Variants in RPA1 observed in about 807,000 individuals in gnomAD.
The protein encoded by RPA1 is replication protein A 70 kDa DNA-binding subunit.
RPA1 carries 49 observed loss-of-function variants against 83.0 expected under a neutral mutation model. The ratio of observed to expected loss-of-function variants is 0.59; its 90% CI spans 0.47 to 0.75. The LOEUF (loss-of-function observed/expected upper bound fraction) is 0.75, where lower values mean the gene tolerates loss of function less well. RPA1 is among the 30% of genes least tolerant of loss of function. The probability of loss-of-function intolerance (pLI) is 0.00; values close to 1 mark genes in which losing one functional copy is unlikely to be tolerated. For missense variants in RPA1, 693 were observed against 776.1 expected, an observed-to-expected ratio of 0.89 and a Z score of 1.27; for synonymous variants, 279 against 281.8, an observed-to-expected ratio of 0.99 and a Z score of 0.10.
At chr17:1,890,135 T>C (rs1156730563) in intron 14 of RPA1, among the ~76,000 whole-genome samples, 1 of 152,172 alleles carries the variant, frequency 6.6e-6, no homozygotes, top group Middle Eastern at 3.2e-3. Context: ...TTTGGAAGGC[T>C]GAGGCAGGAT....
rs139473907 is a variant in RPA1, at chr17:1,883,002, C to A, written c.1242-810C>A. On this transcript the variant is annotated intron_variant, in intron 12 of 16. Transcript: ENST00000254719. ...GGGGGGCATCAAAGCAACTGAGATT[C>A]AAAGAAAGGTCATTCCGTTTCTTCA... 1.5e-3 allele frequency among the ~76,000 whole-genome samples: 228 copies of A among 152,162 alleles called. 1 individual carries two copies. The highest frequency in any genetic ancestry group is 4.7e-3 in the African/African-American group (194 of 41,524).
intron 4 of RPA1, among the ~76,000 whole-genome samples, chr17:1,849,893 T>C (rs554562559): frequency 1.1e-4 from 17 of 152,310 alleles, no homozygotes; most frequent in African/African-American, 3.8e-4. Flanking sequence ...TTATCTAGGC[T>C]GGACGTGGTG....
At chr17:1,844,448 C>T in intron 3 of RPA1, 130 bp from the exon 4 acceptor site, 2 of 636,746 alleles carry the variant, frequency 3.1e-6, no homozygotes, top group Non-Finnish European at 2.8e-6. Context: ...TTTCACTCTG[C>T]AGAGTCTGAC....
intron 13 of RPA1, among the ~76,000 whole-genome samples, chr17:1,885,048 C>T (rs776816922): frequency 3.3e-5 from 5 of 152,122 alleles, no homozygotes; most frequent in Admixed American, 2.6e-4. Flanking sequence ...TCTCCATAGC[C>T]GGCGATGCTG....
chr17:1,891,043 TTCTC>T lies in RPA1; in HGVS notation c.1552-786_1552-783del, dbSNP rs1322909744. Among the ~76,000 whole-genome samples the T allele has an allele frequency of 5.3e-5, 8 of 152,312 alleles. 1 individual carries two copies. The East Asian group carries it at 9.6e-4, about 18-fold the overall frequency. On this transcript the variant is annotated intron_variant, in intron 14 of 16. Coordinates refer to ENST00000254719, the MANE Select transcript of RPA1 (RefSeq NM_002945.5). ...CGTCACCTTATTTTTCGTCATAACATTCTCTCTATTAAAAGCCTTGTACCCATGC... is the reference window on the plus strand; with the variant it reads ...CGTCACCTTATTTTTCGTCATAACATTCTATTAAAAGCCTTGTACCCATGC...
chr17:1,834,729 A>G lies in RPA1; in HGVS notation c.33+4603A>G, dbSNP rs530193930. On this transcript the variant is annotated intron_variant, in intron 1 of 16. Coordinates refer to ENST00000254719, the MANE Select transcript of RPA1 (RefSeq NM_002945.5). ...ACAGATGCTTTAGTAGTCAGTACTT[A>G]AGTAACCCTAGAAGATAGCTATTAT... Among the ~76,000 whole-genome samples the G allele has an allele frequency of 2.0e-5, 3 of 152,314 alleles. No individual in the cohort carries two copies. The East Asian group carries it at 5.8e-4, about 29-fold the overall frequency.
chr17:1,846,311 CT>C (rs71150823), intron 4 of RPA1, among the ~76,000 whole-genome samples: 14,343 of 75,328 alleles, frequency 0.19, 705 homozygotes, highest in Middle Eastern at 0.28. Context: ...GGAAGCTTTG[CT>C]TTTTTTTTTT....
chr17:1,841,228 T>C (rs1912034825), intron 1 of RPA1, among the ~76,000 whole-genome samples: 2 of 152,198 alleles, frequency 1.3e-5, no homozygotes, highest in African/African-American at 4.8e-5. Context: ...CTAGTTTTTA[T>C]AGATACCTTA....
chr17:1,875,125 G>T (rs943300381), intron 6 of RPA1, among the ~76,000 whole-genome samples: 1 of 152,148 alleles, frequency 6.6e-6, no homozygotes, highest in East Asian at 1.9e-4. Context: ...CTTTGCACCC[G>T]ACGAAACTCA....
rs767278367 is a variant in RPA1 at position 1,843,926 on chromosome 17, C to T, written c.91C>T (p.Arg31Cys). 6.2e-7 allele frequency: 1 copy of T among 1,613,580 alleles called. No individual in the cohort carries two copies. The highest frequency in any genetic ancestry group is 1.1e-5 in the South Asian group (1 of 91,024). The change falls in exon 3 of 17, where the codon CGT becomes TGT. Residue 31 changes from arginine to cysteine, a missense_variant. By Grantham distance (180) the Arg-to-Cys change is radical. Transcript: ENST00000254719. ...IKPILQVINI[R>C]PITTGNSPPR... ...ATCAAGTTTTCTGTCCTAGAACATC[C>T]GTCCCATTACTACGGGGAATAGTCC...
intron 4 of RPA1, among the ~76,000 whole-genome samples, chr17:1,845,584 T>C (rs1377282814): frequency 6.6e-6 from 1 of 152,116 alleles, no homozygotes; most frequent in Non-Finnish European, 1.5e-5. Flanking sequence ...GACAAGTTAC[T>C]GCATGCTAGA....
chr17:1,855,152 T>A (rs1384187276), intron 5 of RPA1, among the ~76,000 whole-genome samples: 2 of 152,148 alleles, frequency 1.3e-5, no homozygotes, highest in East Asian at 3.9e-4. Flanking sequence ...TTAGTTAATA[T>A]GGTGAGTTAC....
intron 5 of RPA1, among the ~76,000 whole-genome samples, chr17:1,862,081 A>G (rs1912995483): frequency 1.3e-5 from 2 of 149,884 alleles, no homozygotes; most frequent in South Asian, 4.3e-4. Flanking sequence ...TTCAGTAGAG[A>G]CGGGGTTTCA....
chr17:1,861,630 T>TA (rs1169432355), intron 5 of RPA1, among the ~76,000 whole-genome samples: 1 of 152,246 alleles, frequency 6.6e-6, no homozygotes, highest in Non-Finnish European at 1.5e-5. Flanking sequence ...TCCATATTTC[T>TA]AAATAACACA....
intron 15 of RPA1, among the ~76,000 whole-genome samples, chr17:1,893,761 G>A (rs1165061214): frequency 6.6e-6 from 1 of 151,812 alleles, no homozygotes; most frequent in Non-Finnish European, 1.5e-5. Flanking sequence ...TAGCCTTTGC[G>A]CACCTCAACA....
chr17:1,877,678 C>G (rs968710468), intron 8 of RPA1, among the ~76,000 whole-genome samples: 1 of 152,150 alleles, frequency 6.6e-6, no homozygotes, highest in African/African-American at 2.4e-5. Context: ...TGGAAACAGT[C>G]TGATTTGCTG....
At chr17:1,888,991 A>G (rs1914102376) in intron 14 of RPA1, 140 bp downstream of exon 14, 4 of 867,790 alleles carry the variant, frequency 4.6e-6, no homozygotes, top group Non-Finnish European at 6.8e-6. Flanking sequence ...GAGCTTATCC[A>G]TCCGCTTTTT....
chr17:1,891,500 A>ACCCCCG, intron 14 of RPA1: 2 of 87,536 alleles, frequency 2.3e-5, no homozygotes, highest in Admixed American at 1.0e-4. Context: ...GCTCGCTGCA[A>ACCCCCG]CCTCCGCCTC....
intron 8 of RPA1, 112 bp from the exon 9 acceptor site, chr17:1,878,881 C>A: frequency 9.8e-7 from 1 of 1,016,208 alleles, no homozygotes; most frequent in Non-Finnish European, 1.5e-6. Context: ...CCACTGCTCT[C>A]AAGATGTCAC....
Sources: gnomAD v4.1 joint callset for allele counts (sites outside exome capture counted in the v4.1 genomes callset) on GRCh38, gnomAD v4.1.1 for gene constraint, MANE v1.5 for transcripts, NCBI Gene and HGNC (gene_info 2026-07-23, HGNC 2026-07-21) for gene names.